The following SLC12A6 variants were observed in gnomAD, a reference collection of about 807,000 sequenced individuals.
SLC12A6 encodes the protein solute carrier family 12 member 6.
In SLC12A6, 66 loss-of-function variants were observed where a neutral mutation model predicts 135.3. The ratio of observed to expected loss-of-function variants is 0.49; its 90% confidence interval spans 0.40 to 0.60. The LOEUF is 0.60. Ranked by LOEUF, SLC12A6 falls within the 20% of genes least tolerant of loss-of-function variation. SLC12A6 has a pLI of 0.00. For synonymous variants in SLC12A6, 513 were observed against 508.8 expected (o/e 1.01, Z -0.11); for missense variants, 1,058 against 1,452.3 (o/e 0.73, Z 4.41).
intron 2 of SLC12A6, among the ~76,000 whole-genome samples, chr15:34,321,466 T>C (rs1889084875): frequency 6.6e-6 from 1 of 152,182 alleles, no homozygotes; most frequent in African/African-American, 2.4e-5. Context: ...CCAAGATGGC[T>C]AAAATTCCTA....
intron 2 of SLC12A6, among the ~76,000 whole-genome samples, chr15:34,302,957 CAAA>C (rs35647149): frequency 0.12 from 9,623 of 83,262 alleles, 1,047 homozygotes; most frequent in African/African-American, 0.33. Flanking sequence ...GACCCTGTCT[CAAA>C]AAAAAAAAAA....
At chr15:34,265,176 G>A (rs62017476) in intron 3 of SLC12A6, among the ~76,000 whole-genome samples, 1,831 of 152,208 alleles carry the variant, frequency 0.012, 11 homozygotes, top group Non-Finnish European at 0.018. Context: ...CAGCCTGGGC[G>A]ACAGAGCGAG....
intron 3 of SLC12A6, among the ~76,000 whole-genome samples, chr15:34,262,818 A>G (rs1169109596): frequency 6.6e-6 from 1 of 151,490 alleles, no homozygotes; most frequent in Non-Finnish European, 1.5e-5. Context: ...GCACTCGCTC[A>G]CTCCCTCACC....
At chr15:34,242,642 G>A (rs1274194030) in intron 16 of SLC12A6, among the ~76,000 whole-genome samples, 1 of 152,140 alleles carries the variant, frequency 6.6e-6, no homozygotes, top group African/African-American at 2.4e-5. Flanking sequence ...AGCCAGAAAT[G>A]TTAATAACTC....
At position 34,333,291 on chromosome 15, in the gene SLC12A6, G is replaced by A. The variant is rs183004730; in HGVS notation, c.271+3119C>T. 2.5e-4 allele frequency among the ~76,000 whole-genome samples: 37 copies of A among 149,278 alleles called. No individual in the cohort carries two copies. The East Asian group carries it at 4.2e-3, about 17-fold the overall frequency. On this transcript the variant is annotated intron_variant, in intron 2 of 25. Coordinates refer to ENST00000354181, the MANE Select transcript of SLC12A6 (RefSeq NM_001365088.1). Reference sequence around the variant, plus strand: ...GTCACCCAGGCTGGAGTGCAGCGGCGTGATCTCAGCTCACTGCAACCTCCG... The same window carrying A: ...GTCACCCAGGCTGGAGTGCAGCGGCATGATCTCAGCTCACTGCAACCTCCG...
chr15:34,245,775 C>T lies in SLC12A6; in HGVS notation c.1742G>A (p.Cys581Tyr). 1.2e-6 allele frequency: 2 copies of T among 1,613,768 alleles called. No homozygotes were observed. The highest frequency in any genetic ancestry group is 1.7e-6 in the Non-Finnish European group (2 of 1,179,686). Residue 581 changes from cysteine to tyrosine, a missense_variant, in exon 14 of 26, where the codon TGT (cysteine) becomes TAT (tyrosine). Physicochemically the swap from Cys to Tyr is radical, Grantham distance 194. Around this residue, in one of 6 missense-constraint regions of SLC12A6, gnomAD observed 170 missense variants for 297.6 expected, o/e 0.57. Coordinates refer to ENST00000354181, the MANE Select transcript of SLC12A6 (RefSeq NM_001365088.1). ...VIVIGSFFST[C>Y]GAGLQSLTGA... is the part of the protein sequence containing the mutation. ...TGTGAGGCTCTGAAGTCCAGCCCCA[C>T]ATGTTGAAAAGAAGGAGCCAATAAC...
intron 2 of SLC12A6, among the ~76,000 whole-genome samples, chr15:34,312,101 TTC>T (rs1159872802): frequency 1.3e-5 from 2 of 152,236 alleles, no homozygotes; most frequent in Non-Finnish European, 2.9e-5. Context: ...GGTGCTGTTA[TTC>T]TCTGTTTTAT....
intron 3 of SLC12A6, among the ~76,000 whole-genome samples, chr15:34,272,346 ATCTT>A (rs553801946): frequency 6.6e-6 from 1 of 152,356 alleles, no homozygotes; most frequent in Admixed American, 6.5e-5. Context: ...AACAAAAAAA[ATCTT>A]TCAGTCTTTT....
At chr15:34,289,679 G>T (rs1046365241) in intron 2 of SLC12A6, among the ~76,000 whole-genome samples, 1 of 152,122 alleles carries the variant, frequency 6.6e-6, no homozygotes, top group African/African-American at 2.4e-5. Flanking sequence ...TCTATTCAGA[G>T]ATTCAACTTT....
Position 34,233,906 on chromosome 15 carries a change from C to T in SLC12A6, c.3428G>A (p.Ser1143Asn). ...ERVLLVRGGG[S>N]EVITIYS ...TTATGAATAAATGGTGATCACTTCACTGCCACCACCCCGGACAAGTAGGAC... is the reference window on the plus strand; with the variant it reads ...TTATGAATAAATGGTGATCACTTCATTGCCACCACCCCGGACAAGTAGGAC... The change falls in exon 26 of 26, where the codon AGT becomes AAT. Residue 1143 changes from serine (S) to asparagine (N), a missense_variant. Physicochemically the swap from Ser to Asn is conservative, Grantham distance 46. This residue lies in a region of SLC12A6 where 245 missense variants were observed against 440.8 expected (regional missense o/e 0.56). Coordinates refer to ENST00000354181, the MANE Select transcript of SLC12A6 (RefSeq NM_001365088.1). The T allele has an allele frequency of 6.2e-7, 1 of 1,600,080 alleles. No individual in the cohort carries two copies.
At chr15:34,309,297 A>T (rs1887983451) in intron 2 of SLC12A6, among the ~76,000 whole-genome samples, 1 of 152,234 alleles carries the variant, frequency 6.6e-6, no homozygotes, top group Non-Finnish European at 1.5e-5. Context: ...GAAATTTAAA[A>T]ATCTTTTGAA....
intron 13 of SLC12A6, among the ~76,000 whole-genome samples, chr15:34,246,289 C>T (rs1891985618): frequency 6.6e-6 from 1 of 151,744 alleles, no homozygotes; most frequent in African/African-American, 2.4e-5. Flanking sequence ...AATAATATTA[C>T]GAAATATAAG....
At chr15:34,307,398 G>T (rs1165104346) in intron 2 of SLC12A6, among the ~76,000 whole-genome samples, 1 of 152,104 alleles carries the variant, frequency 6.6e-6, no homozygotes, top group Non-Finnish European at 1.5e-5. Context: ...CCTCAATACA[G>T]GTGAAGAGAT....
chr15:34,304,322 A>C (rs1896455684), intron 2 of SLC12A6, among the ~76,000 whole-genome samples: 1 of 152,156 alleles, frequency 6.6e-6, no homozygotes. Context: ...TGTCAGCTGG[A>C]GGACATTTGG....
chr15:34,244,155 T>C (rs1295500607), intron 15 of SLC12A6, 83 bp from the exon 16 acceptor site: 11 of 848,376 alleles, frequency 1.3e-5, no homozygotes, highest in Non-Finnish European at 2.3e-5. Context: ...TTTGCTGTAT[T>C]GAAGCCTGTT....
intron 19 of SLC12A6, among the ~76,000 whole-genome samples, chr15:34,240,084 T>C (rs2140659183): frequency 6.6e-6 from 1 of 152,250 alleles, no homozygotes; most frequent in Non-Finnish European, 1.5e-5. Flanking sequence ...TATCTCCTAA[T>C]GCTATCCTTC....
In SLC12A6 at chr15:34,337,197, G is replaced by T. The variant is rs147966325; in HGVS notation, c.-73+135C>A. The T allele has an allele frequency of 0.011, 2,219 of 206,324 alleles. 17 individuals are homozygous for T. Among genetic ancestry groups the T allele is most frequent in the Middle Eastern group, 0.023 (10 of 438 alleles). 12.8% of individuals were successfully genotyped at this position (206,324 alleles called of 1,614,324 possible). On this transcript the variant is annotated intron_variant, in intron 1 of 25. Transcript: ENST00000354181. ...CTAAAAGGTGTACACCCGGCCACCT[G>T]TTGTGTATCAGGTGAATACCCCACA...
chr15:34,321,902 G>T (rs1394450834), intron 2 of SLC12A6, among the ~76,000 whole-genome samples: 1 of 152,162 alleles, frequency 6.6e-6, no homozygotes, highest in African/African-American at 2.4e-5. Flanking sequence ...TAAGGTTTTA[G>T]AACAGACAAA....
intron 2 of SLC12A6, among the ~76,000 whole-genome samples, chr15:34,278,271 A>C (rs1234984629): frequency 6.6e-6 from 1 of 151,978 alleles, no homozygotes; most frequent in African/African-American, 2.4e-5. Context: ...CACTAAAAAT[A>C]AAAAAATCAG....
Sources: gnomAD v4.1 joint callset for allele counts (sites outside exome capture counted in the v4.1 genomes callset) on GRCh38, gnomAD v4.1.1 for gene constraint, gnomAD v4.1.1 regional missense constraint, MANE v1.5 for transcripts, NCBI Gene and HGNC (gene_info 2026-07-23, HGNC 2026-07-21) for gene names.